MKLN1: variants seen among roughly 807,000 people sequenced by gnomAD.
MKLN1 encodes muskelin 1.
In MKLN1, 18 loss-of-function variants were observed where a neutral mutation model predicts 99.0. That is an observed-to-expected ratio of 0.18 (90% confidence interval 0.13 to 0.27). MKLN1 has a LOEUF of 0.27. MKLN1 is among the 10% of genes least tolerant of loss of function. The pLI is 1.00. For missense variants in MKLN1, 621 were observed against 875.9 expected, an observed-to-expected ratio of 0.71 and a Z score of 3.67; for synonymous variants, 288 against 293.2, an observed-to-expected ratio of 0.98 and a Z score of 0.18.
At position 131,204,695 on chromosome 7, in the gene MKLN1, G is replaced by T. The variant is rs190609907; in HGVS notation, c.-179+1721G>T. Reference sequence around the variant, plus strand: ...AAATACAAACATTAGGCCGGGCGCGGTGGCTCATGCCTGTAATCCCAGCAC... The same window carrying T: ...AAATACAAACATTAGGCCGGGCGCGTTGGCTCATGCCTGTAATCCCAGCAC... On this transcript the variant is annotated intron_variant, in intron 3 of 7. Transcript: ENST00000416992. Among the ~76,000 whole-genome samples the T allele has an allele frequency of 1.7e-3, 259 of 152,232 alleles. No homozygotes were observed. In the South Asian group the frequency reaches 0.024, roughly 14 times the overall value.
chr7:131,160,370 G>A (rs1413284638), intron 2 of MKLN1, among the ~76,000 whole-genome samples: 3 of 151,856 alleles, frequency 2.0e-5, no homozygotes, highest in African/African-American at 7.3e-5. Flanking sequence ...TAATGCTGCT[G>A]TGTACCTTTG....
At chr7:131,448,948 T>C (rs1796099362) in intron 12 of MKLN1, among the ~76,000 whole-genome samples, 1 of 152,340 alleles carries the variant, frequency 6.6e-6, no homozygotes, top group South Asian at 2.1e-4. Context: ...GGGATTCATC[T>C]ATGGACCTGG....
intron 1 of MKLN1, among the ~76,000 whole-genome samples, chr7:131,140,904 C>T (rs1039632511): frequency 6.6e-5 from 10 of 152,140 alleles, no homozygotes; most frequent in East Asian, 3.9e-4. Context: ...CTCAGCCTCC[C>T]GAGTAGCTGG....
intron 3 of MKLN1, among the ~76,000 whole-genome samples, chr7:131,224,557 T>C (rs534464948): frequency 9.9e-5 from 15 of 151,544 alleles, no homozygotes; most frequent in African/African-American, 3.6e-4. Context: ...AAAATAATAA[T>C]AATAAAATAA....
intron 3 of MKLN1, among the ~76,000 whole-genome samples, chr7:131,239,461 A>G (rs1184052616): frequency 6.6e-6 from 1 of 152,020 alleles, no homozygotes; most frequent in Admixed American, 6.6e-5. Flanking sequence ...CTAGGGCTAT[A>G]GGTACATGCC....
intron 1 of MKLN1, among the ~76,000 whole-genome samples, chr7:131,118,320 G>T (rs190652963): frequency 6.6e-6 from 1 of 152,132 alleles, no homozygotes; most frequent in Admixed American, 6.5e-5. Context: ...TTGGGAGGCC[G>T]AGGTGGGTGA....
chr7:131,261,946 T>C (rs1797737703), intron 3 of MKLN1, among the ~76,000 whole-genome samples: 1 of 151,952 alleles, frequency 6.6e-6, no homozygotes, highest in Non-Finnish European at 1.5e-5. Context: ...TATGAGTACA[T>C]ATAGACACAA....
At chr7:131,440,408 G>A (rs1049750774) in intron 10 of MKLN1, among the ~76,000 whole-genome samples, 8 of 152,134 alleles carry the variant, frequency 5.3e-5, no homozygotes, top group African/African-American at 1.4e-4. Context: ...GTTCTTGAGC[G>A]AGAACATCCA....
intron 1 of MKLN1, among the ~76,000 whole-genome samples, chr7:131,351,352 TC>T (rs543600848): frequency 6.6e-6 from 1 of 152,196 alleles, no homozygotes. Flanking sequence ...CTGAAGAAGC[TC>T]CCCTATTCTA....
intron 1 of MKLN1, among the ~76,000 whole-genome samples, chr7:131,141,800 A>G (rs962165540): frequency 6.6e-6 from 1 of 152,136 alleles, no homozygotes; most frequent in Non-Finnish European, 1.5e-5. Context: ...ACGCTTCTCT[A>G]TCACAGCTGA....
At chr7:131,140,940 T>C (rs1044479153) in intron 1 of MKLN1, among the ~76,000 whole-genome samples, 4 of 151,978 alleles carry the variant, frequency 2.6e-5, no homozygotes, top group Non-Finnish European at 1.5e-5. Flanking sequence ...CCACCATGCC[T>C]GGCTAATTTT....
intron 2 of MKLN1, among the ~76,000 whole-genome samples, chr7:131,161,837 C>T (rs1796054105): frequency 6.6e-6 from 1 of 151,842 alleles, no homozygotes; most frequent in Non-Finnish European, 1.5e-5. Flanking sequence ...CAATGCCTGG[C>T]CGTGACACAG....
intron 8 of MKLN1, among the ~76,000 whole-genome samples, chr7:131,426,869 C>T (rs1234805906): frequency 6.6e-6 from 1 of 151,972 alleles, no homozygotes; most frequent in Non-Finnish European, 1.5e-5. Flanking sequence ...ATTCTCCTGC[C>T]TCAGCCTCTT....
At chr7:131,420,623 G>A (rs1298222249) in intron 8 of MKLN1, among the ~76,000 whole-genome samples, 1 of 152,188 alleles carries the variant, frequency 6.6e-6, no homozygotes, top group East Asian at 1.9e-4. Context: ...TCTAACCAAA[G>A]TAATAATTCC....
intron 2 of MKLN1, among the ~76,000 whole-genome samples, chr7:131,190,079 C>A: frequency 6.6e-6 from 1 of 152,156 alleles, no homozygotes; most frequent in Non-Finnish European, 1.5e-5. Context: ...GAGTACACCT[C>A]AAAAATGTTG....
At chr7:131,151,077 G>A (rs936086339) in intron 2 of MKLN1, among the ~76,000 whole-genome samples, 2 of 152,060 alleles carry the variant, frequency 1.3e-5, no homozygotes, top group South Asian at 2.1e-4. Context: ...ACAAATATCC[G>A]TTAACTATAT....
chr7:131,422,585 C>G (rs998598826), intron 8 of MKLN1, among the ~76,000 whole-genome samples: 8 of 152,138 alleles, frequency 5.3e-5, no homozygotes, highest in African/African-American at 1.9e-4. Flanking sequence ...AACACCTTCA[C>G]TAGAGTAAAA....
At chr7:131,219,629 A>G (rs952625692) in intron 3 of MKLN1, among the ~76,000 whole-genome samples, 2 of 152,072 alleles carry the variant, frequency 1.3e-5, no homozygotes, top group African/African-American at 2.4e-5. Context: ...AAGTCTGTGA[A>G]ATGAAATCAT....
chr7:131,435,226 T>C (rs1795641847), intron 9 of MKLN1, among the ~76,000 whole-genome samples: 1 of 152,222 alleles, frequency 6.6e-6, no homozygotes, highest in South Asian at 2.1e-4. Flanking sequence ...TGTTGTAAAA[T>C]ATTCTTTTCA....
Sources: allele counts gnomAD v4.1 joint callset (sites outside exome capture counted in the v4.1 genomes callset), GRCh38; gene constraint gnomAD v4.1.1; transcripts MANE v1.5; gene names NCBI Gene and HGNC (gene_info 2026-07-23, HGNC 2026-07-21).